Variants in TRAPPC13 observed in about 807,000 individuals in gnomAD.
TRAPPC13 encodes the protein REV7-interacting novel NHEJ regulator 1.
A neutral mutation model predicts 54.0 loss-of-function variants in TRAPPC13; 39 were observed. The ratio of observed to expected loss-of-function variants is 0.72; its 90% CI spans 0.56 to 0.94. The LOEUF is 0.94. Ranked by LOEUF, TRAPPC13 falls within the 40% of genes least tolerant of loss-of-function variation. TRAPPC13 has a pLI of 0.00. For missense variants in TRAPPC13, 386 were observed against 488.1 expected, an observed-to-expected ratio of 0.79 and a Z score of 1.97; for synonymous variants, 148 against 167.7, an observed-to-expected ratio of 0.88 and a Z score of 0.91.
At chr5:65,641,702 C>T (rs1460918042) in intron 4 of TRAPPC13, among the ~76,000 whole-genome samples, 2 of 134,208 alleles carry the variant, frequency 1.5e-5, no homozygotes, top group East Asian at 4.1e-4. Context: ...CAGGGCAATA[C>T]CCTGTCTGAG....
chr5:65,627,650 T>G (rs768108143), intron 1 of TRAPPC13, among the ~76,000 whole-genome samples: 1 of 151,896 alleles, frequency 6.6e-6, no homozygotes, highest in Non-Finnish European at 1.5e-5. Context: ...AGTCATCCCT[T>G]GAGTATAACA....
intron 1 of TRAPPC13, among the ~76,000 whole-genome samples, chr5:65,634,192 A>G (rs1265849648): frequency 1.3e-5 from 2 of 151,674 alleles, no homozygotes; most frequent in Non-Finnish European, 2.9e-5. Flanking sequence ...TCACCGTGTT[A>G]GCCAGGATAG....
chr5:65,628,716 C>A (rs557744862), intron 1 of TRAPPC13, among the ~76,000 whole-genome samples: 1 of 151,998 alleles, frequency 6.6e-6, no homozygotes, highest in South Asian at 2.1e-4. Flanking sequence ...GTGATCTGCC[C>A]GCCTTGGCCC....
intron 9 of TRAPPC13, among the ~76,000 whole-genome samples, chr5:65,659,700 T>C (rs890825045): frequency 1.6e-4 from 25 of 152,166 alleles, no homozygotes; most frequent in Non-Finnish European, 4.4e-5. Flanking sequence ...AAGAAAGTAA[T>C]AGGCTGGGTG....
chr5:65,658,876 C>T (rs1004328081), intron 9 of TRAPPC13, among the ~76,000 whole-genome samples: 22 of 151,840 alleles, frequency 1.4e-4, no homozygotes, highest in Admixed American at 5.9e-4. Context: ...CATGCCACCA[C>T]GCTTGGTTAA....
intron 1 of TRAPPC13, among the ~76,000 whole-genome samples, chr5:65,633,396 C>T (rs1454307007): frequency 6.6e-6 from 1 of 152,076 alleles, no homozygotes; most frequent in Non-Finnish European, 1.5e-5. Flanking sequence ...TCTCCTGCCT[C>T]AGCCTCTGCG....
intron 4 of TRAPPC13, among the ~76,000 whole-genome samples, chr5:65,643,846 A>C (rs2150676174): frequency 6.6e-6 from 1 of 151,432 alleles, no homozygotes; most frequent in South Asian, 2.1e-4. Context: ...AGAAAAAAAA[A>C]AAAAGACTAT....
chr5:65,661,008 A>T (rs1756832723), intron 10 of TRAPPC13, 111 bp downstream of exon 10: 1 of 804,830 alleles, frequency 1.2e-6, no homozygotes, highest in Non-Finnish European at 1.9e-6. Flanking sequence ...TATAAAAGGC[A>T]TTACTACTAC....
At chr5:65,649,941 C>T (rs889189590) in intron 5 of TRAPPC13, among the ~76,000 whole-genome samples, 23 of 150,424 alleles carry the variant, frequency 1.5e-4, no homozygotes, top group African/African-American at 5.6e-4. Flanking sequence ...ACTGCAAGCT[C>T]TGCCTTCCGG....
chr5:65,646,811 T>C (rs571669105), intron 4 of TRAPPC13, among the ~76,000 whole-genome samples: 1 of 152,356 alleles, frequency 6.6e-6, no homozygotes, highest in Admixed American at 6.5e-5. Flanking sequence ...ATATTCCATT[T>C]TGAATTCTCC....
chr5:65,651,558 C>T (rs956009810), intron 6 of TRAPPC13, among the ~76,000 whole-genome samples: 15 of 151,294 alleles, frequency 9.9e-5, no homozygotes, highest in East Asian at 3.9e-4. Context: ...CCAGGAATCA[C>T]TGGAACTTTA....
intron 11 of TRAPPC13, 116 bp from the exon 12 acceptor site, chr5:65,664,121 G>A: frequency 9.4e-7 from 1 of 1,063,178 alleles, no homozygotes; most frequent in Non-Finnish European, 1.4e-6. Context: ...TTCTCTTTCT[G>A]GTTTTTATTC....
chr5:65,640,413 A>G (rs1236728609), intron 4 of TRAPPC13, among the ~76,000 whole-genome samples: 2 of 152,200 alleles, frequency 1.3e-5, no homozygotes, highest in African/African-American at 2.4e-5. Flanking sequence ...GTGTCCTTAA[A>G]TAAAGCTTTA....
At chr5:65,631,899 AC>A (rs1755557979) in intron 1 of TRAPPC13, among the ~76,000 whole-genome samples, 1 of 137,924 alleles carries the variant, frequency 7.3e-6, no homozygotes, top group Non-Finnish European at 1.6e-5. Context: ...GTTTGGGTGA[AC>A]TCCAGGACAC....
chr5:65,653,752 G>A (rs982372047), intron 7 of TRAPPC13, among the ~76,000 whole-genome samples: 1 of 152,144 alleles, frequency 6.6e-6, no homozygotes, highest in Non-Finnish European at 1.5e-5. Context: ...ATAGGAAAGA[G>A]CATACCTATT....
At chr5:65,648,701 A>T (rs1347318507) in intron 5 of TRAPPC13, among the ~76,000 whole-genome samples, 1 of 152,178 alleles carries the variant, frequency 6.6e-6, no homozygotes, top group Non-Finnish European at 1.5e-5. Flanking sequence ...TAGGCAGCAC[A>T]AGTATAAAGG....
rs1253738439 is a variant in TRAPPC13, at chr5:65,660,778, G to A, written c.778G>A (p.Glu260Lys). The change falls in exon 10 of 13, where the codon GAA becomes AAA. Residue 260 changes from glutamate to lysine, a missense_variant. Coordinates refer to ENST00000399438, the MANE Select transcript of TRAPPC13 (RefSeq NM_024941.4). Reference sequence around the variant, plus strand: ...CTTATACTGCCTAAAGCCAAAGAATGAATTTGCAGAAAAAGCAGGCATCAT... The same window carrying A: ...CTTATACTGCCTAAAGCCAAAGAATAAATTTGCAGAAAAAGCAGGCATCAT... Reference protein sequence around the residue: ...QYLYCLKPKNEFAEKAGIIKG... With the variant: ...QYLYCLKPKNKFAEKAGIIKG... The A allele has an allele frequency of 3.1e-6, 5 of 1,613,524 alleles. No individual in the cohort carries two copies. The highest frequency in any genetic ancestry group is 4.2e-6 in the Non-Finnish European group (5 of 1,179,730).
chr5:65,659,489 T>C (rs564460233), intron 9 of TRAPPC13, among the ~76,000 whole-genome samples: 1 of 151,976 alleles, frequency 6.6e-6, no homozygotes, highest in South Asian at 2.1e-4. Flanking sequence ...AATAATAAAA[T>C]GGAGGAATGT....
At chr5:65,630,824 C>A (rs1395477966) in intron 1 of TRAPPC13, 5 of 319,374 alleles carry the variant, frequency 1.6e-5, no homozygotes, top group Non-Finnish European at 2.3e-5. Context: ...AACAACGATA[C>A]AAAATGTATA....
Sources: allele counts gnomAD v4.1 joint callset (sites outside exome capture counted in the v4.1 genomes callset), GRCh38; gene constraint gnomAD v4.1.1; transcripts MANE v1.5; gene names NCBI Gene and HGNC (gene_info 2026-07-23, HGNC 2026-07-21).